The following PCDHGB1 variants were observed in gnomAD, a reference collection of about 807,000 sequenced individuals.
PCDHGB1 encodes the protein protocadherin gamma-B1.
A neutral mutation model predicts 56.6 loss-of-function variants in PCDHGB1; 34 were observed. That is an observed-to-expected ratio of 0.60 (90% CI 0.46 to 0.80). The LOEUF (loss-of-function observed/expected upper bound fraction) is 0.80. Among genes scored for constraint, PCDHGB1 ranks in the 30% least tolerant of loss-of-function variants. The pLI, the probability that PCDHGB1 is intolerant of heterozygous loss-of-function variation, is 0.00. For synonymous variants in PCDHGB1, 561 were observed against 505.9 expected (o/e 1.11, Z -1.46); for missense variants, 1,278 against 1,204.6 (o/e 1.06, Z -0.90).
At chr5:141,413,248 G>C in intron 1 of PCDHGB1, 1 of 1,613,962 alleles carries the variant, frequency 6.2e-7, no homozygotes, top group Non-Finnish European at 8.5e-7. Context: ...CCTTTTCTTC[G>C]GGATTCCATG....
Position 141,487,333 on chromosome 5 carries a change from C to T in PCDHGB1, c.2410-7474C>T. 6.2e-7 allele frequency: 1 copy of T among 1,614,176 alleles called. No homozygotes were observed. The highest frequency in any genetic ancestry group is 8.5e-7 in the Non-Finnish European group (1 of 1,180,022). On this transcript the variant is annotated intron_variant, in intron 1 of 3. Transcript: ENST00000523390. The surrounding 1 kb of genome is among the most constrained non-coding windows in gnomAD (Gnocchi z 5.0). ...TCTCTAAGTGTCTTCGTGGGGCAGC[C>T]TGTGGAGTCACATGCTTTCCTGCTG...
At chr5:141,417,997 G>T in intron 1 of PCDHGB1, 1 of 1,613,872 alleles carries the variant, frequency 6.2e-7, no homozygotes, top group Non-Finnish European at 8.5e-7. Context: ...AGGGCTCGGT[G>T]GTGGGGAACC....
At chr5:141,382,059 C>T (rs1480800714) in intron 1 of PCDHGB1, among the ~76,000 whole-genome samples, 1 of 151,960 alleles carries the variant, frequency 6.6e-6, no homozygotes, top group South Asian at 2.1e-4. Context: ...AAGCTCCCGA[C>T]CTCAGGTGAT....
At chr5:141,507,286 TC>T in intron 3 of PCDHGB1, 1 of 149,886 alleles carries the variant, frequency 6.7e-6, no homozygotes, top group East Asian at 1.9e-4. Context: ...TAAGTCAGTC[TC>T]AAATGTTGCA....
intron 1 of PCDHGB1, among the ~76,000 whole-genome samples, chr5:141,454,649 G>A (rs1202153817): frequency 6.6e-6 from 1 of 151,800 alleles, no homozygotes; most frequent in Non-Finnish European, 1.5e-5. Context: ...CAGGTGATCT[G>A]CCCACCTCGG....
intron 1 of PCDHGB1, chr5:141,365,242 A>G (rs536146431): frequency 6.2e-7 from 1 of 1,613,960 alleles, no homozygotes; most frequent in Admixed American, 1.7e-5. Flanking sequence ...TCTCAACTCT[A>G]CAATCACTGG....
In PCDHGB1 at chr5:141,443,329, A is replaced by AC. The variant is rs58846402; in HGVS notation, c.2410-51477dup. 1.9e-4 allele frequency among the ~76,000 whole-genome samples: 29 copies of AC among 151,590 alleles called. No individual in the cohort carries two copies. In the East Asian group the frequency reaches 4.3e-3, roughly 22 times the overall value. ...AAACCCATCTCTACAAAAAAAAAAA[A>AC]CAAAAATTAACAAGGTTTAGTGGTC... On this transcript the variant is annotated intron_variant, in intron 1 of 3. Coordinates refer to ENST00000523390, the MANE Select transcript of PCDHGB1 (RefSeq NM_018922.3).
chr5:141,421,433 C>A lies in PCDHGB1; in HGVS notation c.2409+68764C>A, dbSNP rs772564300. 5 of 1,614,074 alleles carry A rather than the reference C, an allele frequency of 3.1e-6. No homozygotes were observed. In the African/African-American group the frequency reaches 4.0e-5, roughly 13 times the overall value. On this transcript the variant is annotated intron_variant, in intron 1 of 3. Coordinates refer to ENST00000523390, the MANE Select transcript of PCDHGB1 (RefSeq NM_018922.3). ...GCGAAGCGCGGAGTCCGCATCGTCTCCAGAGGGAAGACACAGCTTTTCGCT... is the reference window on the plus strand; with the variant it reads ...GCGAAGCGCGGAGTCCGCATCGTCTACAGAGGGAAGACACAGCTTTTCGCT...
chr5:141,415,606 G>A lies in PCDHGB1; in HGVS notation c.2409+62937G>A. On this transcript the variant is annotated intron_variant, in intron 1 of 3. Transcript: ENST00000523390. ...GTTTCCTATAGAGGATACCCCATTG[G>A]TTCCAGTGAGTTTTATTTTCATTTT... The A allele has an allele frequency of 1.2e-6, 2 of 1,612,910 alleles. 1 individual carries two copies. Among genetic ancestry groups the A allele is most frequent in the East Asian group, 4.5e-5 (2 of 44,866 alleles).
At chr5:141,482,561 T>C (rs1411268228) in intron 1 of PCDHGB1, among the ~76,000 whole-genome samples, 3 of 136,978 alleles carry the variant, frequency 2.2e-5, no homozygotes, top group African/African-American at 8.6e-5. Flanking sequence ...ATAATGGAGA[T>C]CTGCATAGCA....
chr5:141,423,848 G>C (rs1353181066), intron 1 of PCDHGB1: 1 of 1,277,462 alleles, frequency 7.8e-7, no homozygotes, highest in Non-Finnish European at 9.9e-7. Flanking sequence ...TAATCTTTCA[G>C]AACGTTTTTG....
chr5:141,394,013 T>C, intron 1 of PCDHGB1: 1 of 1,613,384 alleles, frequency 6.2e-7, no homozygotes, highest in Non-Finnish European at 8.5e-7. Flanking sequence ...CAATAGGTAA[T>C]TATTATAGAT....
rs77976889 is a variant in PCDHGB1, at chr5:141,493,704, G to C, written c.2410-1103G>C. On this transcript the variant is annotated intron_variant, in intron 1 of 3. Transcript: ENST00000523390. This position sits in a 1 kb window ranked among gnomAD's most constrained non-coding sequence, Gnocchi z 4.3. ...GTGCTGGTGACTCCCGATACACCTG[G>C]AATGCTAGGTTTCTGGGTTCTGCTC... Among the ~76,000 whole-genome samples the C allele has an allele frequency of 1.7e-3, 258 of 152,278 alleles. 2 individuals are homozygous for C. The highest frequency in any genetic ancestry group is 5.7e-3 in the African/African-American group (237 of 41,540).
chr5:141,356,280 T>G (rs754910661), intron 1 of PCDHGB1: 15 of 1,558,302 alleles, frequency 9.6e-6, no homozygotes, highest in South Asian at 5.9e-5. Flanking sequence ...AGGAATCTTC[T>G]TCCCCGGGTA....
chr5:141,494,746 C>A lies in PCDHGB1; in HGVS notation c.2410-61C>A. 3 of 1,613,088 alleles carry A rather than the reference C, an allele frequency of 1.9e-6. No individual in the cohort carries two copies. The South Asian group carries it at 3.3e-5, about 18-fold the overall frequency. On this transcript the variant is annotated intron_variant, in intron 1 of 3. Coordinates refer to ENST00000523390, the MANE Select transcript of PCDHGB1 (RefSeq NM_018922.3). ...TTCTCTCCCGGCCCATCCCTAGGGG[C>A]TCGGGTGACATTCTAACTTCTCACG...
At chr5:141,484,660 T>G in intron 1 of PCDHGB1, among the ~76,000 whole-genome samples, 1 of 151,976 alleles carries the variant, frequency 6.6e-6, no homozygotes, top group Non-Finnish European at 1.5e-5. Flanking sequence ...ACTCTCCCTC[T>G]CAGTGGGCCG....
chr5:141,433,878 T>C (rs774226497), intron 1 of PCDHGB1, among the ~76,000 whole-genome samples: 15 of 151,848 alleles, frequency 9.9e-5, no homozygotes, highest in Non-Finnish European at 1.5e-4. Flanking sequence ...GTTTCATCCA[T>C]TGATGACACT....
chr5:141,451,148 G>A (rs536843411), intron 1 of PCDHGB1, among the ~76,000 whole-genome samples: 2 of 152,154 alleles, frequency 1.3e-5, no homozygotes, highest in East Asian at 3.9e-4. Flanking sequence ...ATTTAGACTA[G>A]ACATTTTTTT....
intron 1 of PCDHGB1, chr5:141,423,684 T>TA (rs1412198122): frequency 1.3e-6 from 2 of 1,524,644 alleles, no homozygotes; most frequent in Non-Finnish European, 1.8e-6. Context: ...CTCTGCCTCC[T>TA]AATTGTTGGT....
Sources: gnomAD v4.1 joint callset for allele counts (sites outside exome capture counted in the v4.1 genomes callset) on GRCh38, gnomAD v4.1.1 for gene constraint, Gnocchi (gnomAD v3.1) non-coding constraint, MANE v1.5 for transcripts, NCBI Gene and HGNC (gene_info 2026-07-23, HGNC 2026-07-21) for gene names.